The following NME9 variants were observed in gnomAD, a reference collection of about 807,000 sequenced individuals.
The protein encoded by NME9 is thioredoxin domain-containing protein 6.
In NME9, 48 loss-of-function variants were observed where a neutral mutation model predicts 44.4. The ratio of observed to expected loss-of-function variants is 1.08; its 90% CI spans 0.86 to 1.37. The LOEUF (loss-of-function observed/expected upper bound fraction) is 1.37, where lower values mean the gene tolerates loss of function less well. Ranked by LOEUF, NME9 falls within the 40% of genes most tolerant of loss-of-function variation. The pLI is 0.00. For missense variants in NME9, 325 were observed against 405.2 expected (o/e 0.80, Z 1.70); for synonymous variants, 139 against 147.1 (o/e 0.94, Z 0.40).
intron 7 of NME9, 77 bp from the exon 8 acceptor site, chr3:138,306,173 G>GT: frequency 8.7e-7 from 1 of 1,144,064 alleles, no homozygotes; most frequent in Non-Finnish European, 1.3e-6. Context: ...TAGTTGAAAG[G>GT]TAAAAAATAA....
chr3:138,288,904 T>G, intron 8 of NME9: 1 of 615,430 alleles, frequency 1.6e-6, no homozygotes. Context: ...CCCAAAGTGC[T>G]GGGATTACAG....
At chr3:138,291,238 C>T (rs767107428) in intron 8 of NME9, among the ~76,000 whole-genome samples, 22 of 152,230 alleles carry the variant, frequency 1.4e-4, no homozygotes, top group Admixed American at 4.6e-4. Flanking sequence ...ACTTTTGAGT[C>T]TCTAGACTCT....
At chr3:138,296,171 A>G (rs1462336679), downstream of NME9, 1 of 351,040 alleles carries the variant, frequency 2.8e-6, no homozygotes, top group Non-Finnish European at 5.2e-6. Context: ...TTGGACCTAC[A>G]ATTTTTGCCT....
intron 8 of NME9, among the ~76,000 whole-genome samples, chr3:138,265,449 A>G (rs2048187376): frequency 6.6e-6 from 1 of 152,092 alleles, no homozygotes; most frequent in South Asian, 2.1e-4. Flanking sequence ...GTTTTTGCAT[A>G]CCTGCTATGT....
chr3:138,286,939 C>A (rs916237740), intron 8 of NME9, among the ~76,000 whole-genome samples: 6 of 152,136 alleles, frequency 3.9e-5, no homozygotes, highest in African/African-American at 1.4e-4. Context: ...CAGCTCTGTC[C>A]CCTCATTCAC....
chr3:138,288,986 A>C, intron 8 of NME9: 1 of 1,453,278 alleles, frequency 6.9e-7, no homozygotes, highest in Admixed American at 1.9e-5. Flanking sequence ...GGTCCCCCCA[A>C]AAAAAAATCT....
chr3:138,264,412 CTTTTTTTTTTTTTTT>C (rs11298899), intron 8 of NME9, among the ~76,000 whole-genome samples: 1 of 48,630 alleles, frequency 2.1e-5, no homozygotes, highest in Non-Finnish European at 3.7e-5. Context: ...GATTTTCTTT[CTTTTTTTTTTTTTTT>C]TTTTTTTTTT....
chr3:138,287,478 G>A (rs2050542733), intron 8 of NME9, among the ~76,000 whole-genome samples: 4 of 151,376 alleles, frequency 2.6e-5, no homozygotes, highest in Admixed American at 2.6e-4. Context: ...TATCCTCATA[G>A]TAATTTGTGT....
rs1408999408 is a variant in NME9 at position 138,318,184 on chromosome 3, G to C, written c.231C>G (p.Tyr77Ter). The C allele has an allele frequency of 1.4e-5, 22 of 1,612,684 alleles. No homozygotes were observed. The highest frequency in any genetic ancestry group is 1.7e-5 in the Non-Finnish European group (20 of 1,178,684). ...EADRLDVLEK[Y>*]RGKCEPTFLF... ...GAAAGGTTGGCTCGCACTTCCCTCT[G>C]TACTTTTCGAGGACATCAAGACGAT... Residue 77 changes from tyrosine to a stop codon, truncating the protein, a stop_gained, in exon 4 of 11, where the codon TAC (tyrosine) becomes TAG (stop). Transcript: ENST00000333911. LOFTEE classifies it high-confidence loss of function.
chr3:138,278,370 G>T (rs1007371634), intron 8 of NME9, among the ~76,000 whole-genome samples: 1 of 151,890 alleles, frequency 6.6e-6, no homozygotes, highest in Non-Finnish European at 1.5e-5. Flanking sequence ...GCCAGGTATG[G>T]TCACGCACCT....
intron 2 of NME9, among the ~76,000 whole-genome samples, chr3:138,323,783 T>C (rs1407210348): frequency 1.3e-5 from 2 of 151,908 alleles, no homozygotes; most frequent in Non-Finnish European, 2.9e-5. Context: ...GAGAGAAAAA[T>C]TGAGCAGGCA....
intron 10 of NME9, among the ~76,000 whole-genome samples, chr3:138,302,415 C>A (rs2051908960): frequency 6.6e-6 from 1 of 152,196 alleles, no homozygotes; most frequent in South Asian, 2.1e-4. Context: ...CCATTTGCTT[C>A]CAATCACCAC....
intron 6 of NME9, 49 bp from the exon 7 acceptor site, chr3:138,306,529 G>T: frequency 8.7e-7 from 1 of 1,145,460 alleles, no homozygotes; most frequent in Non-Finnish European, 1.3e-6. Context: ...AGGCTCCTGA[G>T]AGGCCATCCA....
At chr3:138,317,497 G>A (rs1004340673) in intron 4 of NME9, among the ~76,000 whole-genome samples, 1 of 152,222 alleles carries the variant, frequency 6.6e-6, no homozygotes, top group African/African-American at 2.4e-5. Context: ...TGGGCCCTAA[G>A]GGGCATAGAG....
chr3:138,281,442 G>A (rs531540050), intron 8 of NME9, among the ~76,000 whole-genome samples: 15 of 151,994 alleles, frequency 9.9e-5, no homozygotes, highest in Non-Finnish European at 1.9e-4. Flanking sequence ...ACAGGCATGC[G>A]CCACCACACC....
intron 8 of NME9, among the ~76,000 whole-genome samples, chr3:138,286,452 C>T (rs1044314168): frequency 3.9e-5 from 6 of 152,204 alleles, no homozygotes; most frequent in Non-Finnish European, 7.3e-5. Context: ...ACCCAGCTGA[C>T]TATTTCCTCC....
chr3:138,293,173 G>T (rs567824475), intron 8 of NME9, among the ~76,000 whole-genome samples: 1 of 152,120 alleles, frequency 6.6e-6, no homozygotes, highest in East Asian at 1.9e-4. Context: ...GAAGTAAATG[G>T]CTCTTCCAGA....
chr3:138,300,053 G>A (rs2051761724), downstream of NME9, among the ~76,000 whole-genome samples: 1 of 152,180 alleles, frequency 6.6e-6, no homozygotes, highest in African/African-American at 2.4e-5. Context: ...ACTCCCAAAG[G>A]GAAGAGCACA....
At chr3:138,327,542 G>A (rs2108471371) in intron 1 of NME9, among the ~76,000 whole-genome samples, 1 of 152,300 alleles carries the variant, frequency 6.6e-6, no homozygotes, top group East Asian at 1.9e-4. Context: ...CATTTGGTAG[G>A]GAATGAATAG....
Sources: gnomAD v4.1 joint callset for allele counts (sites outside exome capture counted in the v4.1 genomes callset) on GRCh38, gnomAD v4.1.1 for gene constraint, MANE v1.5 for transcripts, NCBI Gene and HGNC (gene_info 2026-07-23, HGNC 2026-07-21) for gene names.